The following TTYH2 variants were observed in gnomAD, a reference collection of about 807,000 sequenced individuals.
The protein encoded by TTYH2 is tweety family member 2, also known as protein tweety homolog 2.
In TTYH2, 49 loss-of-function variants were observed where a neutral mutation model predicts 68.3. That is an observed-to-expected ratio of 0.72 (90% CI 0.57 to 0.91). TTYH2 has a LOEUF of 0.91. TTYH2 is among the 40% of genes least tolerant of loss of function. The probability of loss-of-function intolerance (pLI) is 0.00; values close to 1 mark genes in which losing one functional copy is unlikely to be tolerated. For missense variants in TTYH2, 631 were observed against 700.4 expected, an observed-to-expected ratio of 0.90 and a Z score of 1.12; for synonymous variants, 272 against 300.8, an observed-to-expected ratio of 0.90 and a Z score of 0.99.
At chr17:74,249,157 C>A in intron 7 of TTYH2, 77 bp downstream of exon 7, 1 of 1,600,976 alleles carries the variant, frequency 6.2e-7, no homozygotes, top group Non-Finnish European at 8.6e-7. Context: ...CTCTTTCAGC[C>A]CTGTAGCCAT....
intron 6 of TTYH2, among the ~76,000 whole-genome samples, chr17:74,245,218 T>G (rs1333746192): frequency 6.6e-6 from 1 of 152,196 alleles, no homozygotes; most frequent in Non-Finnish European, 1.5e-5. Context: ...TGTCTTTGCC[T>G]CCTGCCACCC....
Position 74,252,223 on chromosome 17 carries a change from T to A in TTYH2, c.1117-11T>A. On this transcript the variant is annotated splice_polypyrimidine_tract_variant and intron_variant, in intron 10 of 13. Coordinates refer to ENST00000269346, the MANE Select transcript of TTYH2 (RefSeq NM_032646.6). ...TCCTTCACTAGCTGCATGTCCCTCC[T>A]CTTCCTCCAGGATTATCTGGACGCT... The A allele has an allele frequency of 1.2e-6, 2 of 1,611,836 alleles. No homozygotes were observed. Among genetic ancestry groups the A allele is most frequent in the Non-Finnish European group, 1.7e-6 (2 of 1,179,978 alleles).
intron 2 of TTYH2, among the ~76,000 whole-genome samples, chr17:74,227,737 T>C (rs2050344493): frequency 6.7e-6 from 1 of 149,856 alleles, no homozygotes; most frequent in Non-Finnish European, 1.5e-5. Flanking sequence ...ACGTAAAGCA[T>C]GCAGGAACCT....
rs778704389 is a variant in TTYH2 at position 74,230,911 on chromosome 17, A to T, written c.326A>T (p.Tyr109Phe). Residue 109 changes from tyrosine to phenylalanine, a missense_variant, in exon 3 of 14, where the codon TAT (tyrosine) becomes TTT (phenylalanine). Tyr to Phe is a conservative substitution (Grantham distance 22, BLOSUM62 3). Coordinates refer to ENST00000269346, the MANE Select transcript of TTYH2 (RefSeq NM_032646.6). ...AGTGCTGCGGTGGGCGTTGGTTTCT[A>T]TGGAAACAGCGAGACCAACGATGGG... ...ICCAAVGVGF[Y>F]GNSETNDGAY... 1 of 1,614,062 alleles carries T rather than the reference A, an allele frequency of 6.2e-7. No homozygotes were observed. The highest frequency in any genetic ancestry group is 1.3e-5 in the African/African-American group (1 of 75,002).
chr17:74,218,395 G>A (rs1047896233), intron 1 of TTYH2, among the ~76,000 whole-genome samples: 2 of 152,066 alleles, frequency 1.3e-5, no homozygotes, highest in Admixed American at 1.3e-4. Flanking sequence ...TCCAAAGGCT[G>A]GGCAGGGTGG....
intron 1 of TTYH2, among the ~76,000 whole-genome samples, chr17:74,219,666 G>A (rs528082225): frequency 1.1e-4 from 17 of 152,114 alleles, no homozygotes; most frequent in Non-Finnish European, 1.8e-4. Flanking sequence ...AATCCATACA[G>A]TTCTCTGCTG....
rs756778495 is a variant in TTYH2 at position 74,237,544 on chromosome 17, G to T, written c.635+30G>T. 5 of 1,568,020 alleles carry T rather than the reference G, an allele frequency of 3.2e-6. No individual in the cohort carries two copies. In the South Asian group the frequency reaches 5.8e-5, roughly 18 times the overall value. On this transcript the variant is annotated intron_variant, in intron 4 of 13. Coordinates refer to ENST00000269346, the MANE Select transcript of TTYH2 (RefSeq NM_032646.6). ...AGGACCGGTGGGAGGCAGAGGGAGG[G>T]GCAGCAGCGGCTACATCAGCTTTGT...
In TTYH2 at chr17:74,213,868, C is replaced by T. The variant is rs2050196134; in HGVS notation, c.129+152C>T. ...CCCGTCTCCCCTCTCCCCTTTTCCC[C>T]CACCCTCCCAGGCCCGTGGCCCGCG... On this transcript the variant is annotated intron_variant, in intron 1 of 13. Coordinates refer to ENST00000269346, the MANE Select transcript of TTYH2 (RefSeq NM_032646.6). The surrounding 1 kb of genome is among the most constrained non-coding windows in gnomAD (Gnocchi z 6.1). 1.9e-6 allele frequency: 2 copies of T among 1,072,352 alleles called. No individual in the cohort carries two copies. The highest frequency in any genetic ancestry group is 3.3e-5 in the African/African-American group (2 of 61,104). The allele number at this position is 1,072,352 out of a possible 1,614,324, so 66.4% of individuals were successfully genotyped here. A position where few individuals can be genotyped will look rare whatever the true frequency, so the allele number is the denominator to read the frequency against.
At chr17:74,259,466 C>T (rs529989371) in intron 13 of TTYH2, among the ~76,000 whole-genome samples, 2 of 152,292 alleles carry the variant, frequency 1.3e-5, no homozygotes, top group East Asian at 3.9e-4. Context: ...CCTCCTGCCT[C>T]TGTCTCCTAA....
rs1259286536 is a variant in TTYH2, at chr17:74,217,969, G to A, written c.129+4253G>A. ...AGGTGGCTGCAGGGCACAGTGGGAGGCGTGGGGAGGCGTGGGAAATTGTCT... is the reference window on the plus strand; with the variant it reads ...AGGTGGCTGCAGGGCACAGTGGGAGACGTGGGGAGGCGTGGGAAATTGTCT... On this transcript the variant is annotated intron_variant, in intron 1 of 13. Coordinates refer to ENST00000269346, the MANE Select transcript of TTYH2 (RefSeq NM_032646.6). The surrounding 1 kb of genome is among the most constrained non-coding windows in gnomAD (Gnocchi z 4.0). 2.6e-5 allele frequency among the ~76,000 whole-genome samples: 4 copies of A among 151,828 alleles called. No individual in the cohort carries two copies. The highest frequency in any genetic ancestry group is 9.7e-5 in the African/African-American group (4 of 41,330).
intron 2 of TTYH2, among the ~76,000 whole-genome samples, chr17:74,224,514 G>T (rs147480413): frequency 1.7e-3 from 263 of 152,316 alleles, no homozygotes; most frequent in African/African-American, 5.9e-3. Context: ...TAATATGGAA[G>T]AATTATCTGC....
chr17:74,221,782 C>T (rs996557187), intron 1 of TTYH2, among the ~76,000 whole-genome samples: 6 of 152,154 alleles, frequency 3.9e-5, no homozygotes, highest in Non-Finnish European at 7.3e-5. Flanking sequence ...ACTGGAGGTT[C>T]AGCTGTCCCT....
chr17:74,257,289 T>C (rs1262677449), intron 13 of TTYH2, among the ~76,000 whole-genome samples: 3 of 152,124 alleles, frequency 2.0e-5, no homozygotes, highest in African/African-American at 4.8e-5. Context: ...GAAACACTTA[T>C]TGCTTTGGCC....
intron 13 of TTYH2, chr17:74,257,003 T>C (rs1215317547): frequency 6.6e-6 from 1 of 152,142 alleles, no homozygotes; most frequent in African/African-American, 2.4e-5. Context: ...ATCAGAAGCC[T>C]CCCGGGTTCC....
At chr17:74,231,748 G>A (rs1404914371) in intron 3 of TTYH2, among the ~76,000 whole-genome samples, 7 of 152,180 alleles carry the variant, frequency 4.6e-5, no homozygotes, top group Middle Eastern at 6.8e-3. Context: ...CCAGCTCCTC[G>A]GAGCTCTGGC....
chr17:74,222,511 C>T lies in TTYH2; in HGVS notation c.156C>T (p.Ala52=), dbSNP rs200160964. The T allele has an allele frequency of 4.7e-5, 75 of 1,611,030 alleles. 1 individual carries two copies. The highest frequency in any genetic ancestry group is 4.5e-4 in the African/African-American group (34 of 75,052). ...QESLLFLGLV[A]AVCLGLNLIF... ...CGCTGCTGTTCCTGGGGCTGGTGGC[C>T]GCCGTCTGCCTGGGCCTGAACCTCA... The change falls in exon 2 of 14, where the codon GCC becomes GCT. Residue 52 remains alanine (A), a synonymous_variant. Transcript: ENST00000269346. This position sits in a 1 kb window ranked among gnomAD's most constrained non-coding sequence, Gnocchi z 5.2.
At chr17:74,242,881 G>A (rs12952471) in intron 4 of TTYH2, among the ~76,000 whole-genome samples, 23,194 of 152,184 alleles carry the variant, frequency 0.15, 1,799 homozygotes, top group Non-Finnish European at 0.16. Context: ...GGGAAGCAGG[G>A]TCCTAGGCGA....
intron 13 of TTYH2, among the ~76,000 whole-genome samples, chr17:74,258,947 C>T (rs1413526787): frequency 6.6e-6 from 1 of 152,138 alleles, no homozygotes; most frequent in African/African-American, 2.4e-5. Flanking sequence ...ACCCCTGAAG[C>T]TTCCCGGGTC....
intron 3 of TTYH2, among the ~76,000 whole-genome samples, chr17:74,236,971 A>G (rs1356753101): frequency 6.8e-6 from 1 of 146,884 alleles, no homozygotes; most frequent in Non-Finnish European, 1.5e-5. Flanking sequence ...ATCTTGACTC[A>G]TTGCAGACTC....
Sources: gnomAD v4.1 joint callset for allele counts (sites outside exome capture counted in the v4.1 genomes callset) on GRCh38, gnomAD v4.1.1 for gene constraint, Gnocchi (gnomAD v3.1) non-coding constraint, MANE v1.5 for transcripts, NCBI Gene and HGNC (gene_info 2026-07-23, HGNC 2026-07-21) for gene names.